The following NCOA1 variants were observed in gnomAD, a reference collection of about 807,000 sequenced individuals.
The protein encoded by NCOA1 is nuclear receptor coactivator 1.
A neutral mutation model predicts 150.9 loss-of-function variants in NCOA1; 35 were observed. The observed-to-expected ratio is 0.23, with a 90% CI of 0.18 to 0.31. NCOA1 has a LOEUF of 0.31. NCOA1 is among the 10% of genes least tolerant of loss of function. NCOA1 has a pLI of 1.00. For synonymous variants in NCOA1, 590 were observed against 630.0 expected, an observed-to-expected ratio of 0.94 and a Z score of 0.95; for missense variants, 1,491 against 1,749.3, an observed-to-expected ratio of 0.85 and a Z score of 2.63.
At chr2:24,566,588 G>A (rs1422512593) in intron 2 of NCOA1, among the ~76,000 whole-genome samples, 1 of 152,194 alleles carries the variant, frequency 6.6e-6, no homozygotes, top group Non-Finnish European at 1.5e-5. Flanking sequence ...CACAGGACTG[G>A]CAGCTTGGCC....
At chr2:24,722,826 C>CA (rs1491491772) in intron 14 of NCOA1, among the ~76,000 whole-genome samples, 2 of 151,386 alleles carry the variant, frequency 1.3e-5, no homozygotes, top group East Asian at 3.9e-4. Flanking sequence ...GCAACATGGG[C>CA]AAAAAATACA....
Position 24,705,140 on chromosome 2 carries a change from G to A in NCOA1, c.1004G>A (p.Gly335Glu), listed in dbSNP as rs1558300908. The A allele has an allele frequency of 1.2e-6, 2 of 1,613,942 alleles. No homozygotes were observed. The highest frequency in any genetic ancestry group is 8.5e-7 in the Non-Finnish European group (1 of 1,179,980). The change falls in exon 12 of 23, where the codon GGG (glycine) becomes GAG (glutamate). Residue 335 changes from glycine (G) to glutamate (E), a missense_variant. This residue lies in a region of NCOA1 where 703 missense variants were observed against 717.7 expected (regional missense o/e 0.98). Transcript: ENST00000348332. Reference protein sequence around the residue: ...SPSYRFILNDGTMLSAHTKCK... With the variant: ...SPSYRFILNDETMLSAHTKCK... Reference sequence around the variant, plus strand: ...TCCTATAGATTCATATTGAATGATGGGACAATGCTTAGCGCCCACACCAAG... The same window carrying A: ...TCCTATAGATTCATATTGAATGATGAGACAATGCTTAGCGCCCACACCAAG...
intron 3 of NCOA1, among the ~76,000 whole-genome samples, chr2:24,617,454 A>G (rs957905967): frequency 2.6e-5 from 4 of 152,100 alleles, no homozygotes; most frequent in South Asian, 4.1e-4. Context: ...CAGTGCTTCC[A>G]TAGTAATCCA....
intron 2 of NCOA1, among the ~76,000 whole-genome samples, chr2:24,576,149 G>T (rs1446193569): frequency 6.9e-4 from 65 of 93,964 alleles, no homozygotes; most frequent in Non-Finnish European, 7.8e-4. Flanking sequence ...TTTGGCCTTT[G>T]TTTTTTTTTT....
At chr2:24,627,519 T>C (rs1669485775) in intron 3 of NCOA1, among the ~76,000 whole-genome samples, 1 of 152,166 alleles carries the variant, frequency 6.6e-6, no homozygotes, top group African/African-American at 2.4e-5. Context: ...TAGAAAAAAT[T>C]AGTAATGCAA....
chr2:24,711,103 G>A lies in NCOA1; in HGVS notation c.2591G>A (p.Arg864Lys), dbSNP rs762602925. 13 of 1,613,008 alleles carry A rather than the reference G, an allele frequency of 8.1e-6. No individual in the cohort carries two copies. The South Asian group carries it at 1.4e-4, about 18-fold the overall frequency. ...LQSATARPTSRLNRLPELELE... is the reference protein window; with the variant it reads ...LQSATARPTSKLNRLPELELE... ...TCCGCCACTGCCAGACCCACTTCCA[G>A]GCTAAATAGTATGTTCTGGGGACAA... Residue 864 changes from arginine (R) to lysine (K), a missense_variant, in exon 14 of 23, where the codon AGG becomes AAG. By Grantham distance (26) the Arg-to-Lys change is conservative. This residue lies in a region of NCOA1 where 703 missense variants were observed against 717.7 expected (regional missense o/e 0.98). Coordinates refer to ENST00000348332, the MANE Select transcript of NCOA1 (RefSeq NM_003743.5).
intron 1 of NCOA1, among the ~76,000 whole-genome samples, chr2:24,557,010 G>A (rs575118687): frequency 8.0e-5 from 12 of 150,816 alleles, no homozygotes; most frequent in Non-Finnish European, 1.8e-4. Flanking sequence ...TTGTTGTTGG[G>A]TTGGGGGGGG....
chr2:24,579,070 C>G (rs1329455953), intron 2 of NCOA1, among the ~76,000 whole-genome samples: 1 of 151,776 alleles, frequency 6.6e-6, no homozygotes, highest in Non-Finnish European at 1.5e-5. Context: ...TAATGAACAA[C>G]AGAATAATGT....
intron 17 of NCOA1, among the ~76,000 whole-genome samples, chr2:24,737,507 G>T (rs1663374039): frequency 6.6e-6 from 1 of 152,130 alleles, no homozygotes; most frequent in South Asian, 2.1e-4. Flanking sequence ...ACAATTCAAA[G>T]AATATATAAA....
At chr2:24,678,052 C>T (rs1672000029) in intron 7 of NCOA1, among the ~76,000 whole-genome samples, 1 of 152,124 alleles carries the variant, frequency 6.6e-6, no homozygotes, top group Admixed American at 6.5e-5. Context: ...CTGCCCCCAA[C>T]AGGCCTCAGT....
intron 17 of NCOA1, among the ~76,000 whole-genome samples, chr2:24,730,200 G>T (rs1053805476): frequency 6.6e-6 from 1 of 152,044 alleles, no homozygotes; most frequent in African/African-American, 2.4e-5. Context: ...CAGCCCAGTT[G>T]CTACAATAAA....
intron 14 of NCOA1, among the ~76,000 whole-genome samples, chr2:24,716,622 T>C (rs1674060540): frequency 1.3e-5 from 2 of 152,178 alleles, no homozygotes; most frequent in African/African-American, 4.8e-5. Context: ...AAAAAAGTCA[T>C]TGAGATAGAC....
At chr2:24,763,399 T>C (rs6755824) in intron 22 of NCOA1, among the ~76,000 whole-genome samples, 122,676 of 150,944 alleles carry the variant, frequency 0.81, 51,556 homozygotes, top group East Asian at 0.99. Context: ...ATTAGCCGGG[T>C]GAGGTGGCGG....
intron 15 of NCOA1, 99 bp downstream of exon 15, chr2:24,726,805 G>C (rs1271137558): frequency 2.0e-6 from 1 of 511,392 alleles, no homozygotes; most frequent in African/African-American, 2.1e-5. Context: ...GTGGTATTTT[G>C]TGAGATATTA....
chr2:24,569,552 A>AT (rs200639064), intron 2 of NCOA1, among the ~76,000 whole-genome samples: 2,396 of 93,720 alleles, frequency 0.026, 246 homozygotes, highest in African/African-American at 0.089. Context: ...GGTTTTATTA[A>AT]TTTTTTTTTT....
intron 2 of NCOA1, among the ~76,000 whole-genome samples, chr2:24,576,178 T>TTTTTTTG (rs1666972972): frequency 1.4e-5 from 1 of 73,752 alleles, no homozygotes. Flanking sequence ...TTGTTTTTTT[T>TTTTTTTG]TTTTTTTTTT....
intron 3 of NCOA1, among the ~76,000 whole-genome samples, chr2:24,614,610 G>A (rs1668793316): frequency 6.6e-6 from 1 of 152,050 alleles, no homozygotes; most frequent in South Asian, 2.1e-4. Context: ...ATCTCAGGCA[G>A]TGGGAATCCT....
chr2:24,662,964 C>CTTT (rs372780851), intron 5 of NCOA1, among the ~76,000 whole-genome samples: 1 of 144,676 alleles, frequency 6.9e-6, no homozygotes. Flanking sequence ...ATTTTTTTTT[C>CTTT]TTTTTTTTTT....
chr2:24,521,673 A>G (rs1664422245), intron 1 of NCOA1, among the ~76,000 whole-genome samples: 1 of 152,218 alleles, frequency 6.6e-6, no homozygotes, highest in Non-Finnish European at 1.5e-5. Flanking sequence ...GGCTGTTATG[A>G]ATAATGCTGT....
Sources: allele counts gnomAD v4.1 joint callset (sites outside exome capture counted in the v4.1 genomes callset), GRCh38; gene constraint gnomAD v4.1.1; regional missense constraint gnomAD v4.1.1; transcripts MANE v1.5; gene names NCBI Gene and HGNC (gene_info 2026-07-23, HGNC 2026-07-21).